ERC2: variants seen among roughly 807,000 people sequenced by gnomAD.
ERC2 encodes ELKS/RAB6-interacting/CAST family member 2, also known as ERC protein 2.
In ERC2, 42 loss-of-function variants were observed where a neutral mutation model predicts 114.8. The observed-to-expected ratio is 0.37, with a 90% CI of 0.29 to 0.47. ERC2 has a LOEUF of 0.47. ERC2 is among the 20% of genes least tolerant of loss of function. The pLI, the probability that ERC2 is intolerant of heterozygous loss-of-function variation, is 0.99. For synonymous variants in ERC2, 454 were observed against 425.5 expected (o/e 1.07, Z -0.82); for missense variants, 939 against 1,150.7 (o/e 0.82, Z 2.66).
intron 7 of ERC2, among the ~76,000 whole-genome samples, chr3:56,054,928 G>C (rs2075941036): frequency 1.3e-5 from 2 of 152,170 alleles, no homozygotes; most frequent in Non-Finnish European, 2.9e-5. Context: ...ATTAAGATCT[G>C]ACATGGGCCA....
chr3:55,553,363 T>G (rs2055361952), intron 17 of ERC2, among the ~76,000 whole-genome samples: 1 of 152,076 alleles, frequency 6.6e-6, no homozygotes, highest in African/African-American at 2.4e-5. Flanking sequence ...TAGCAAGTTA[T>G]TAAAATGCAC....
intron 7 of ERC2, among the ~76,000 whole-genome samples, chr3:56,019,917 C>G (rs1049156412): frequency 6.6e-6 from 1 of 152,188 alleles, no homozygotes; most frequent in African/African-American, 2.4e-5. Flanking sequence ...CAGTACAACT[C>G]TAAGATAAGT....
intron 17 of ERC2, among the ~76,000 whole-genome samples, chr3:55,653,562 AAAGTGTGTGTGTGTGTGTGTGT>A (rs1299633628): frequency 5.2e-5 from 7 of 133,752 alleles, no homozygotes; most frequent in Non-Finnish European, 9.4e-5. Context: ...AAACCTGGTA[AAAGTGTGTGTGTGTGTGTGTGT>A]GTGTGTGTGT....
intron 15 of ERC2, among the ~76,000 whole-genome samples, chr3:55,709,786 G>A (rs2063678937): frequency 6.6e-6 from 1 of 152,176 alleles, no homozygotes; most frequent in Non-Finnish European, 1.5e-5. Context: ...GTGGGGCTGT[G>A]TTGGCCAGCA....
At chr3:55,712,738 C>A (rs982921474) in intron 15 of ERC2, among the ~76,000 whole-genome samples, 1 of 152,134 alleles carries the variant, frequency 6.6e-6, no homozygotes, top group African/African-American at 2.4e-5. Context: ...GAGCTTTGTA[C>A]CTGCAGTTGT....
intron 13 of ERC2, among the ~76,000 whole-genome samples, chr3:55,926,369 A>G (rs1019532093): frequency 2.0e-5 from 3 of 151,338 alleles, no homozygotes; most frequent in Admixed American, 1.3e-4. Flanking sequence ...TGGCTTCTAC[A>G]TTCCACCTGC....
chr3:55,653,263 T>TTTTTTCA (rs2060715027), intron 17 of ERC2, among the ~76,000 whole-genome samples: 1 of 152,200 alleles, frequency 6.6e-6, no homozygotes, highest in African/African-American at 2.4e-5. Flanking sequence ...CTGTAATCAC[T>TTTTTTCA]TTTTTCATGA....
At chr3:55,831,155 A>G (rs1178233080) in intron 14 of ERC2, among the ~76,000 whole-genome samples, 2 of 149,272 alleles carry the variant, frequency 1.3e-5, no homozygotes, top group Non-Finnish European at 3.0e-5. Flanking sequence ...AAAAAAAAAA[A>G]AATTTAATTA....
At chr3:55,817,453 G>C (rs1054606336) in intron 14 of ERC2, among the ~76,000 whole-genome samples, 1 of 152,308 alleles carries the variant, frequency 6.6e-6, no homozygotes, top group African/African-American at 2.4e-5. Context: ...CAAGGGATGG[G>C]CGGCCTTCAG....
intron 4 of ERC2, among the ~76,000 whole-genome samples, chr3:56,155,165 C>T (rs1051485043): frequency 2.0e-5 from 3 of 152,114 alleles, no homozygotes; most frequent in African/African-American, 4.8e-5. Flanking sequence ...ACTGCATCTT[C>T]GCAACATCCC....
chr3:55,742,596 C>T (rs1033185414), intron 14 of ERC2, among the ~76,000 whole-genome samples: 1 of 152,160 alleles, frequency 6.6e-6, no homozygotes, highest in Non-Finnish European at 1.5e-5. Flanking sequence ...CAGTCATGTT[C>T]TAATCATATT....
chr3:55,695,402 GC>G (rs1221876895), intron 16 of ERC2, among the ~76,000 whole-genome samples: 1 of 152,166 alleles, frequency 6.6e-6, no homozygotes, highest in African/African-American at 2.4e-5. Context: ...GGGGGTCACA[GC>G]CCACCAGCTA....
At chr3:56,022,277 G>A (rs1012305312) in intron 7 of ERC2, among the ~76,000 whole-genome samples, 1 of 152,166 alleles carries the variant, frequency 6.6e-6, no homozygotes, top group Non-Finnish European at 1.5e-5. Flanking sequence ...CTACTAAAAT[G>A]TTTTATTTGG....
chr3:56,051,547 T>C (rs570894824), intron 7 of ERC2, among the ~76,000 whole-genome samples: 2 of 152,176 alleles, frequency 1.3e-5, no homozygotes, highest in East Asian at 1.9e-4. Flanking sequence ...AGAGAAGATA[T>C]CTTTGTTTTC....
At position 55,573,585 on chromosome 3, in the gene ERC2, G is replaced by A. The variant is rs1484333099; in HGVS notation, c.*40-62309C>T. On this transcript the variant is annotated intron_variant, in intron 17 of 17. Transcript: ENST00000288221. ...GGGTAGGTAGGTGACACACTGGGCC[G>A]CTCCTCATGTGGTTCGTCACAATTT... 2.6e-5 allele frequency among the ~76,000 whole-genome samples: 4 copies of A among 152,076 alleles called. 1 individual carries two copies. The highest frequency in any genetic ancestry group is 6.4e-3 in the Middle Eastern group (2 of 314).
At chr3:56,069,332 A>G (rs1248130717) in intron 7 of ERC2, among the ~76,000 whole-genome samples, 1 of 152,210 alleles carries the variant, frequency 6.6e-6, no homozygotes, top group Non-Finnish European at 1.5e-5. Context: ...GGAACTCTGA[A>G]AAGTTATTTT....
intron 17 of ERC2, among the ~76,000 whole-genome samples, chr3:55,588,816 T>A (rs550046712): frequency 2.0e-5 from 3 of 152,084 alleles, no homozygotes; most frequent in Non-Finnish European, 2.9e-5. Flanking sequence ...AGTTTTTAGT[T>A]TGAGTTCAAG....
At chr3:56,066,232 C>T (rs529611306) in intron 7 of ERC2, among the ~76,000 whole-genome samples, 28 of 152,220 alleles carry the variant, frequency 1.8e-4, no homozygotes, top group Admixed American at 4.6e-4. Flanking sequence ...TTTTAATAAT[C>T]GCCATTCTAA....
chr3:55,579,061 A>C (rs2057129264), intron 17 of ERC2, among the ~76,000 whole-genome samples: 1 of 152,198 alleles, frequency 6.6e-6, no homozygotes, highest in African/African-American at 2.4e-5. Context: ...AAACCAGTCT[A>C]AATTCAAGCA....
Sources: allele counts gnomAD v4.1 joint callset (sites outside exome capture counted in the v4.1 genomes callset), GRCh38; gene constraint gnomAD v4.1.1; transcripts MANE v1.5; gene names NCBI Gene and HGNC (gene_info 2026-07-23, HGNC 2026-07-21).